ZNF212: variants seen among roughly 807,000 people sequenced by gnomAD.
ZNF212 encodes the protein Zinc finger protein C2H2-150.
Under a neutral mutation model 47.3 loss-of-function variants are expected in ZNF212, and 32 were observed. The observed-to-expected ratio is 0.68, with a 90% CI of 0.51 to 0.91. The LOEUF (loss-of-function observed/expected upper bound fraction) is 0.91, where lower values mean the gene tolerates loss of function less well. Ranked by LOEUF, ZNF212 falls within the 40% of genes least tolerant of loss-of-function variation. The probability of loss-of-function intolerance (pLI) is 0.00; values close to 1 mark genes in which losing one functional copy is unlikely to be tolerated. For missense variants in ZNF212, 555 were observed against 622.8 expected (o/e 0.89, Z 1.16); for synonymous variants, 242 against 253.8 (o/e 0.95, Z 0.44).
At chr7:149,249,259 T>C (rs1362461141) in intron 1 of ZNF212, among the ~76,000 whole-genome samples, 1 of 152,132 alleles carries the variant, frequency 6.6e-6, no homozygotes, top group Non-Finnish European at 1.5e-5. Context: ...TTTTTAAGGA[T>C]TTATTCACCA....
intron 1 of ZNF212, among the ~76,000 whole-genome samples, chr7:149,240,236 G>C (rs1796567863): frequency 6.6e-6 from 1 of 152,254 alleles, no homozygotes; most frequent in South Asian, 2.1e-4. Context: ...CCGATGTGTT[G>C]TCGGTTTTTC....
Position 149,255,595 on chromosome 7 carries a change from GA to G in ZNF212, c.*1191del, listed in dbSNP as rs907138380. On this transcript the variant is annotated 3_prime_UTR_variant, in exon 5 of 5. Transcript: ENST00000335870. Reference sequence around the variant, plus strand: ...AGAATAAAACTTGCTACTAGCAAAAGAAAAAAAAAAAGTTCATACTGGATGT... The same window carrying G: ...AGAATAAAACTTGCTACTAGCAAAAGAAAAAAAAAAGTTCATACTGGATGT... The G allele has an allele frequency of 3.2e-4, 47 of 147,290 alleles. No individual in the cohort carries two copies. The highest frequency in any genetic ancestry group is 2.2e-3 in the East Asian group (11 of 5,032). The allele number at this position is 147,290 out of a possible 1,614,324, so 9.1% of individuals were successfully genotyped here. A position where few individuals can be genotyped will look rare whatever the true frequency, so the allele number is the denominator to read the frequency against.
At position 149,250,343 on chromosome 7, in the gene ZNF212, G is replaced by C; in HGVS notation, c.209G>C (p.Gly70Ala). The change falls in exon 2 of 5, where the codon GGG (glycine) becomes GCG (alanine). Residue 70 changes from glycine (G) to alanine (A), a missense_variant. By Grantham distance (60) the Gly-to-Ala change is moderately conservative (BLOSUM62 0). Coordinates refer to ENST00000335870, the MANE Select transcript of ZNF212 (RefSeq NM_012256.4). The stretch of plus-strand genomic sequence containing the variant: ...CTACAGAGCCTGGAGGGGCGCACGG[G>C]GACAGCCGAGAAGAAGCTGGCTGAC... ...ARLQSLEGRT[G>A]TAEKKLADCE... 6.2e-7 allele frequency: 1 copy of C among 1,614,182 alleles called. No homozygotes were observed.
At chr7:149,243,608 T>C (rs1038799336) in intron 1 of ZNF212, among the ~76,000 whole-genome samples, 1 of 152,136 alleles carries the variant, frequency 6.6e-6, no homozygotes, top group Admixed American at 6.5e-5. Context: ...TCCTACTACT[T>C]TTGTAATGGT....
rs371540048 is a variant in ZNF212, at chr7:149,254,429, C to T, written c.*14C>T. 20 of 1,576,302 alleles carry T rather than the reference C, an allele frequency of 1.3e-5. No homozygotes were observed. Among genetic ancestry groups the T allele is most frequent in the African/African-American group, 5.4e-5 (4 of 74,422 alleles). ...GGCCTGCTTTAAGGGTGCAGCCCCT[C>T]GCCCGTCTGGGGGATGGAGGGGGGT... is the stretch of plus-strand genomic sequence containing the variant. On this transcript the variant is annotated 3_prime_UTR_variant, in exon 5 of 5. Coordinates refer to ENST00000335870, the MANE Select transcript of ZNF212 (RefSeq NM_012256.4). This position sits in a 1 kb window ranked among gnomAD's most constrained non-coding sequence, Gnocchi z 4.5.
rs1183698462 is a variant in ZNF212, at chr7:149,250,259, G to A, written c.125G>A (p.Trp42Ter). 1.9e-6 allele frequency: 3 copies of A among 1,612,708 alleles called. No individual in the cohort carries two copies. In the Admixed American group the frequency reaches 5.0e-5, roughly 27 times the overall value. The part of the protein sequence containing the change: ...SYFQTTEISL[W>*]TVVAAIQAVE... ...TTTCAGACCACCGAGATTTCACTCTGGACGGTGGTGGCCGCTATTCAGGCT... is the reference window on the plus strand; with the variant it reads ...TTTCAGACCACCGAGATTTCACTCTAGACGGTGGTGGCCGCTATTCAGGCT... Residue 42 changes from tryptophan (W) to a stop codon, truncating the protein, a stop_gained, in exon 2 of 5, where the codon TGG (tryptophan) becomes TAG (stop). Coordinates refer to ENST00000335870, the MANE Select transcript of ZNF212 (RefSeq NM_012256.4). LOFTEE classifies it high-confidence loss of function.
At chr7:149,242,559 A>G (rs760593366) in intron 1 of ZNF212, among the ~76,000 whole-genome samples, 1 of 152,246 alleles carries the variant, frequency 6.6e-6, no homozygotes, top group Non-Finnish European at 1.5e-5. Flanking sequence ...ATTAAAAATG[A>G]CAGTTTGCTA....
At chr7:149,250,057 A>T in intron 1 of ZNF212, 102 bp from the exon 2 acceptor site, 1 of 1,183,222 alleles carries the variant, frequency 8.5e-7, no homozygotes. Flanking sequence ...CTTTTTTTTA[A>T]TTAAAAGAAA....
At chr7:149,239,937 G>GGTGA in intron 1 of ZNF212, 135 bp downstream of exon 1, 1 of 1,051,098 alleles carries the variant, frequency 9.5e-7, no homozygotes. Context: ...GGTGAACGCG[G>GGTGA]ACCCTCCTCT....
At position 149,245,947 on chromosome 7, in the gene ZNF212, A is replaced by G. The variant is rs148213035; in HGVS notation, c.25-4212A>G. 2.9e-3 allele frequency among the ~76,000 whole-genome samples: 446 copies of G among 152,224 alleles called. 2 individuals carry two copies. The highest frequency in any genetic ancestry group is 0.01 in the African/African-American group (426 of 41,540). ...TTTACCACATTATAGTCAGCTCTGA[A>G]TGTTATTCTTTGTGTCTGTTTCATG... is the stretch of plus-strand genomic sequence containing the variant. On this transcript the variant is annotated intron_variant, in intron 1 of 4. Transcript: ENST00000335870.
At chr7:149,243,318 A>G (rs1056773215) in intron 1 of ZNF212, among the ~76,000 whole-genome samples, 4 of 151,744 alleles carry the variant, frequency 2.6e-5, no homozygotes, top group Non-Finnish European at 5.9e-5. Context: ...GCGTGAACCC[A>G]GGAGGCGGAG....
rs1796606918 is a variant in ZNF212, at chr7:149,242,392, A to C, written c.24+2590A>C. Among the ~76,000 whole-genome samples the C allele has an allele frequency of 6.6e-5, 10 of 152,104 alleles. No individual in the cohort carries two copies. In the South Asian group the frequency reaches 2.1e-3, roughly 32 times the overall value. On this transcript the variant is annotated intron_variant, in intron 1 of 4. Transcript: ENST00000335870. ...CTACCTTGAAATGAAGTACAGCAAA[A>C]TGAATGGGGGCCAGCTTCTCAACAG... is the stretch of plus-strand genomic sequence containing the variant.
Position 149,239,717 on chromosome 7 carries a change from G to A in ZNF212, c.-62G>A. 7.8e-7 allele frequency: 1 copy of A among 1,284,024 alleles called. No individual in the cohort carries two copies. Among genetic ancestry groups the A allele is most frequent in the Non-Finnish European group, 9.9e-7 (1 of 1,010,624 alleles). 79.5% of individuals were successfully genotyped at this position (1,284,024 alleles called of 1,614,324 possible). On this transcript the variant is annotated 5_prime_UTR_variant, in exon 1 of 5. Transcript: ENST00000335870. ...TCCAACAGGCTCTGGGGCGCCGAGC[G>A]GACAGGAACGCAGCACGGGGGCTCC...
At position 149,254,059 on chromosome 7, in the gene ZNF212, T is replaced by C. The variant is rs1447788938; in HGVS notation, c.1132T>C (p.Phe378Leu). ...TCAGTGTGATGTGTGCCTGAGGAGC[T>C]TCAGCTGCAAGGTGAGCCTGGTGAC... ...LHQCDVCLRSFSCKVSLVTHQ... is the reference protein window; with the variant it reads ...LHQCDVCLRSLSCKVSLVTHQ... The change falls in exon 5 of 5, where the codon TTC becomes CTC. Residue 378 changes from phenylalanine (F) to leucine (L), a missense_variant. Phe to Leu is a conservative substitution (Grantham distance 22). Coordinates refer to ENST00000335870, the MANE Select transcript of ZNF212 (RefSeq NM_012256.4). The surrounding 1 kb of genome is among the most constrained non-coding windows in gnomAD (Gnocchi z 4.5). 1.2e-6 allele frequency: 2 copies of C among 1,612,840 alleles called. No individual in the cohort carries two copies. The highest frequency in any genetic ancestry group is 1.7e-6 in the Non-Finnish European group (2 of 1,179,424).
At chr7:149,241,431 CAAAAAA>C in intron 1 of ZNF212, among the ~76,000 whole-genome samples, 1 of 76,742 alleles carries the variant, frequency 1.3e-5, no homozygotes, top group Middle Eastern at 6.9e-3. Flanking sequence ...GACTCTGTCT[CAAAAAA>C]AAAAAAAAAA....
At chr7:149,245,609 G>A (rs1255759013) in intron 1 of ZNF212, among the ~76,000 whole-genome samples, 1 of 152,056 alleles carries the variant, frequency 6.6e-6, no homozygotes, top group African/African-American at 2.4e-5. Context: ...GGGCTCAAGT[G>A]ATCTTCCCAC....
chr7:149,243,068 G>A (rs1204316984), intron 1 of ZNF212, among the ~76,000 whole-genome samples: 1 of 152,158 alleles, frequency 6.6e-6, no homozygotes, highest in Non-Finnish European at 1.5e-5. Context: ...AGATTGTCAG[G>A]ATGGGGGAAA....
intron 1 of ZNF212, among the ~76,000 whole-genome samples, chr7:149,242,535 A>G (rs1796608934): frequency 6.6e-6 from 1 of 152,188 alleles, no homozygotes; most frequent in Non-Finnish European, 1.5e-5. Flanking sequence ...TGTAAAGAAG[A>G]CATTTTTAGA....
intron 1 of ZNF212, among the ~76,000 whole-genome samples, chr7:149,249,842 T>C (rs373757450): frequency 6.6e-6 from 1 of 152,214 alleles, no homozygotes; most frequent in African/African-American, 2.4e-5. Flanking sequence ...TTGGCCAGGC[T>C]GGTGTCAAAC....
Sources: allele counts gnomAD v4.1 joint callset (sites outside exome capture counted in the v4.1 genomes callset), GRCh38; gene constraint gnomAD v4.1.1; non-coding constraint Gnocchi (gnomAD v3.1); transcripts MANE v1.5; gene names NCBI Gene and HGNC (gene_info 2026-07-23, HGNC 2026-07-21).